ANKRD30BL: variants seen among roughly 807,000 people sequenced by gnomAD.
ANKRD30BL encodes the protein putative ankyrin repeat domain-containing protein 30B-like.
ANKRD30BL carries 20 observed loss-of-function variants against 18.4 expected under a neutral mutation model. The ratio of observed to expected loss-of-function variants is 1.09; its 90% CI spans 0.77 to 1.58. ANKRD30BL has a LOEUF of 1.58. Ranked by LOEUF, ANKRD30BL falls within the 40% of genes most tolerant of loss-of-function variation. The probability of loss-of-function intolerance (pLI) is 0.00; values close to 1 mark genes in which losing one functional copy is unlikely to be tolerated. For synonymous variants in ANKRD30BL, 72 were observed against 100.9 expected (o/e 0.71, Z 1.72); for missense variants, 224 against 268.6 (o/e 0.83, Z 1.16).
At chr2:132,241,907 C>A (rs940860692) in intron 1 of ANKRD30BL, among the ~76,000 whole-genome samples, 8 of 150,870 alleles carry the variant, frequency 5.3e-5, no homozygotes, top group African/African-American at 2.0e-4. Context: ...GTGATGATTG[C>A]ATTCAACTCA....
chr2:132,220,558 G>T (rs1207352721), intron 1 of ANKRD30BL, among the ~76,000 whole-genome samples: 3 of 151,982 alleles, frequency 2.0e-5, no homozygotes, highest in African/African-American at 7.3e-5. Context: ...TGGAGACGGG[G>T]TTTCGCTGTG....
intron 1 of ANKRD30BL, among the ~76,000 whole-genome samples, chr2:132,235,652 A>T (rs1198540469): frequency 6.6e-6 from 1 of 152,168 alleles, no homozygotes; most frequent in African/African-American, 2.4e-5. Context: ...GAACTCTTCA[A>T]GGAGAACTAC....
At chr2:132,180,147 C>G (rs532036217) in intron 1 of ANKRD30BL, among the ~76,000 whole-genome samples, 2 of 151,942 alleles carry the variant, frequency 1.3e-5, no homozygotes, top group Non-Finnish European at 2.9e-5. Context: ...TCACTCACCA[C>G]TCACTCACTT....
chr2:132,199,089 C>G (rs1017676506), intron 1 of ANKRD30BL, among the ~76,000 whole-genome samples: 1 of 152,110 alleles, frequency 6.6e-6, no homozygotes, highest in Non-Finnish European at 1.5e-5. Context: ...CAGTGGCTCA[C>G]GCCTGTAATC....
At chr2:132,216,098 T>G (rs1252279100) in intron 1 of ANKRD30BL, among the ~76,000 whole-genome samples, 14 of 152,000 alleles carry the variant, frequency 9.2e-5, no homozygotes, top group Admixed American at 9.2e-4. Flanking sequence ...TTTCTTTTGA[T>G]TGAGCAGTTT....
At chr2:132,228,306 C>T (rs78238931) in intron 1 of ANKRD30BL, among the ~76,000 whole-genome samples, 6 of 151,224 alleles carry the variant, frequency 4.0e-5, no homozygotes, top group Non-Finnish European at 8.9e-5. Flanking sequence ...TCTTTGGATG[C>T]ATGCGTTTAT....
chr2:132,202,556 A>T (rs1679129191), intron 1 of ANKRD30BL, among the ~76,000 whole-genome samples: 1 of 152,004 alleles, frequency 6.6e-6, no homozygotes. Flanking sequence ...TTACTTGAAA[A>T]TTCTCACTGA....
intron 3 of ANKRD30BL, chr2:132,156,443 C>T (rs1418250579): frequency 6.6e-6 from 1 of 152,018 alleles, no homozygotes; most frequent in Non-Finnish European, 1.5e-5. Context: ...GAATTGATAA[C>T]TGAAATATTT....
At chr2:132,201,346 G>A (rs947045441) in intron 1 of ANKRD30BL, among the ~76,000 whole-genome samples, 39 of 152,166 alleles carry the variant, frequency 2.6e-4, no homozygotes, top group South Asian at 6.2e-4. Flanking sequence ...ACTACCATCA[G>A]AGTGAACAGG....
At chr2:132,198,558 C>T (rs1232115383) in intron 1 of ANKRD30BL, among the ~76,000 whole-genome samples, 4 of 151,570 alleles carry the variant, frequency 2.6e-5, no homozygotes, top group African/African-American at 4.8e-5. Flanking sequence ...CTCCTGACCT[C>T]GTGATCTGCC....
At chr2:132,221,435 G>C (rs1310418926) in intron 1 of ANKRD30BL, among the ~76,000 whole-genome samples, 1 of 131,532 alleles carries the variant, frequency 7.6e-6, no homozygotes, top group Admixed American at 7.1e-5. Flanking sequence ...TCAGCCCCCC[G>C]CCTGGCCAGC....
chr2:132,158,648 T>C (rs1441712901), intron 1 of ANKRD30BL, among the ~76,000 whole-genome samples: 2 of 150,942 alleles, frequency 1.3e-5, no homozygotes, highest in African/African-American at 4.9e-5. Context: ...TTACATGTGA[T>C]AAATTGATTA....
chr2:132,230,429 G>A (rs1679978317), intron 1 of ANKRD30BL, among the ~76,000 whole-genome samples: 2 of 151,954 alleles, frequency 1.3e-5, no homozygotes, highest in African/African-American at 4.8e-5. Context: ...ATATGCAAGT[G>A]GACAAATGGA....
At chr2:132,252,747 G>A (rs1156549157) in intron 1 of ANKRD30BL, among the ~76,000 whole-genome samples, 20 of 148,656 alleles carry the variant, frequency 1.3e-4, no homozygotes, top group Non-Finnish European at 5.9e-5. Flanking sequence ...CCCCACCACC[G>A]ACGACGTGAG....
At chr2:132,177,884 GT>G (rs1321220840) in intron 1 of ANKRD30BL, among the ~76,000 whole-genome samples, 3 of 151,794 alleles carry the variant, frequency 2.0e-5, no homozygotes, top group Admixed American at 1.3e-4. Context: ...TTTTTTGTTT[GT>G]TTTTTTGTTT....
At chr2:132,234,502 G>T (rs1021475177) in intron 1 of ANKRD30BL, among the ~76,000 whole-genome samples, 2 of 152,000 alleles carry the variant, frequency 1.3e-5, no homozygotes, top group Non-Finnish European at 2.9e-5. Context: ...TGATAAAGGG[G>T]ATATCACCAC....
intron 1 of ANKRD30BL, among the ~76,000 whole-genome samples, chr2:132,197,398 C>A (rs1210569483): frequency 6.6e-6 from 1 of 151,810 alleles, no homozygotes; most frequent in African/African-American, 2.4e-5. Context: ...GAAATGATTT[C>A]TTCAAAAAAA....
chr2:132,239,185 C>G (rs1680243426), intron 1 of ANKRD30BL, among the ~76,000 whole-genome samples: 1 of 152,120 alleles, frequency 6.6e-6, no homozygotes, highest in Non-Finnish European at 1.5e-5. Context: ...TGTGTGTACT[C>G]AACTCATAGG....
In ANKRD30BL at chr2:132,257,224, A is replaced by G. The variant is rs374432747; in HGVS notation, n.441+305T>C. 7.6e-6 allele frequency: 3 copies of G among 392,242 alleles called. No individual in the cohort carries two copies. In the East Asian group the frequency reaches 2.3e-4, roughly 30 times the overall value. 24.3% of individuals were successfully genotyped at this position (392,242 alleles called of 1,614,324 possible). The stretch of plus-strand genomic sequence containing the variant: ...GCTCCAGGAGACCGGCATGCCCCCC[A>G]CTTGGGACGCTTCCCAGGGCCAGGC... On this transcript the variant is annotated intron_variant and non_coding_transcript_variant, in intron 1 of 4. Transcript: ENST00000470729.
Sources: gnomAD v4.1 joint callset for allele counts (sites outside exome capture counted in the v4.1 genomes callset) on GRCh38, gnomAD v4.1.1 for gene constraint, MANE v1.5 for transcripts, NCBI Gene and HGNC (gene_info 2026-07-23, HGNC 2026-07-21) for gene names.